ANGEL1: variants seen among roughly 807,000 people sequenced by gnomAD.
The protein encoded by ANGEL1 is angel homolog 1, also known as RNA 2',3'-cyclic phosphatase ANGEL1.
ANGEL1 carries 62 observed loss-of-function variants against 76.4 expected under a neutral mutation model. The observed-to-expected ratio is 0.81, with a 90% CI of 0.66 to 1.00. The LOEUF is 1.00. ANGEL1 is among the 50% of genes least tolerant of loss of function. ANGEL1 has a pLI of 0.00. For missense variants in ANGEL1, 737 were observed against 836.7 expected (o/e 0.88, Z 1.47); for synonymous variants, 340 against 331.7 (o/e 1.03, Z -0.27).
chr14:76,792,695 T>C (rs1255260333), intron 7 of ANGEL1, among the ~76,000 whole-genome samples: 1 of 152,136 alleles, frequency 6.6e-6, no homozygotes, highest in Admixed American at 6.5e-5. Context: ...CCAACACCCT[T>C]TCATGAGTTA....
Position 76,809,282 on chromosome 14 carries a change from C to T in ANGEL1, c.426G>A (p.Val142=). 3 of 1,613,826 alleles carry T rather than the reference C, an allele frequency of 1.9e-6. No homozygotes were observed. Among genetic ancestry groups the T allele is most frequent in the Non-Finnish European group, 2.5e-6 (3 of 1,179,812 alleles). The change falls in exon 2 of 10, where the codon GTG becomes GTA. Residue 142 remains valine, a synonymous_variant. Transcript: ENST00000251089. ...GGATAGCTGCCCACATGGAGCCCTC[C>T]ACCCCCTCCACCTCCAGCAGTGGCT... The part of the protein sequence containing the change: ...GEEPLLEVEG[V]EGSMWAAIPM...
intron 7 of ANGEL1, among the ~76,000 whole-genome samples, chr14:76,801,112 CT>C (rs561312929): frequency 0.11 from 15,914 of 142,330 alleles, 784 homozygotes; most frequent in East Asian, 0.24. Flanking sequence ...TCTCCTACAT[CT>C]TTTTTTTTTT....
chr14:76,811,832 G>A (rs1487490073), intron 1 of ANGEL1, among the ~76,000 whole-genome samples: 1 of 152,164 alleles, frequency 6.6e-6, no homozygotes, highest in Non-Finnish European at 1.5e-5. Flanking sequence ...TCTAATGGCA[G>A]ATACACAGTA....
intron 8 of ANGEL1, 108 bp from the exon 9 acceptor site, chr14:76,790,882 G>A: frequency 1.4e-6 from 2 of 1,405,160 alleles, no homozygotes; most frequent in Non-Finnish European, 1.9e-6. Context: ...GATCTCAGAT[G>A]ACTCAATCTC....
chr14:76,803,709 T>C, intron 6 of ANGEL1, 77 bp downstream of exon 6: 7 of 1,530,602 alleles, frequency 4.6e-6, no homozygotes, highest in Non-Finnish European at 6.1e-6. Context: ...TTACACTTTT[T>C]CTTGTCGTTG....
At position 76,809,054 on chromosome 14, in the gene ANGEL1, C is replaced by T. The variant is rs1425788642; in HGVS notation, c.649+5G>A. 6.2e-7 allele frequency: 1 copy of T among 1,601,650 alleles called. No homozygotes were observed. The highest frequency in any genetic ancestry group is 8.5e-7 in the Non-Finnish European group (1 of 1,172,228). On this transcript the variant is annotated splice_donor_5th_base_variant and intron_variant, in intron 2 of 9. Coordinates refer to ENST00000251089, the MANE Select transcript of ANGEL1 (RefSeq NM_015305.4). ...TTGGCTCACTCAACCAGTTGTCAGA[C>T]TCACCATGATATGGTATTTCCACTG...
At chr14:76,807,751 ATTC>A (rs1168464912) in intron 3 of ANGEL1, among the ~76,000 whole-genome samples, 168 bp downstream of exon 3, 1 of 152,094 alleles carries the variant, frequency 6.6e-6, no homozygotes, top group Non-Finnish European at 1.5e-5. Flanking sequence ...ATCTAGGGAG[ATTC>A]TTCTCAGCAT....
At chr14:76,794,761 T>C (rs898698940) in intron 7 of ANGEL1, among the ~76,000 whole-genome samples, 4 of 122,884 alleles carry the variant, frequency 3.3e-5, no homozygotes, top group African/African-American at 1.2e-4. Flanking sequence ...TTTGTTGCTC[T>C]TACACAGTGT....
At chr14:76,804,846 C>T (rs576907006) in intron 5 of ANGEL1, among the ~76,000 whole-genome samples, 1 of 152,026 alleles carries the variant, frequency 6.6e-6, no homozygotes, top group Non-Finnish European at 1.5e-5. Context: ...CCCGTCTCTA[C>T]TAAACATACA....
chr14:76,803,654 G>A (rs988442875), intron 6 of ANGEL1, 132 bp downstream of exon 6: 3 of 1,413,222 alleles, frequency 2.1e-6, no homozygotes, highest in Non-Finnish European at 1.9e-6. Flanking sequence ...CAGCCATTGG[G>A]AGGATAGTGA....
At chr14:76,804,530 A>C in intron 5 of ANGEL1, 1 of 851,124 alleles carries the variant, frequency 1.2e-6, no homozygotes, top group Non-Finnish European at 1.4e-6. Context: ...AAATATTTGA[A>C]AGCCAAAAGA....
chr14:76,792,704 T>G (rs1427811859), intron 7 of ANGEL1, among the ~76,000 whole-genome samples: 1 of 152,126 alleles, frequency 6.6e-6, no homozygotes, highest in Non-Finnish European at 1.5e-5. Context: ...TTTCATGAGT[T>G]AAAAACACTC....
intron 7 of ANGEL1, among the ~76,000 whole-genome samples, chr14:76,793,390 G>GGGT (rs1894467675): frequency 1.4e-5 from 1 of 69,448 alleles, no homozygotes; most frequent in African/African-American, 5.5e-5. Flanking sequence ...GGAGAGGGGA[G>GGGT]AGGAGGGGAG....
chr14:76,799,703 C>T (rs1161618273), intron 7 of ANGEL1, among the ~76,000 whole-genome samples: 1 of 151,934 alleles, frequency 6.6e-6, no homozygotes, highest in Non-Finnish European at 1.5e-5. Context: ...CTCAAGAGTT[C>T]GGGACCAGCC....
Position 76,791,284 on chromosome 14 carries a change from T to C in ANGEL1, c.1688+13A>G. 2 of 1,613,948 alleles carry C rather than the reference T, an allele frequency of 1.2e-6. No homozygotes were observed. Among genetic ancestry groups the C allele is most frequent in the Non-Finnish European group, 1.7e-6 (2 of 1,179,882 alleles). On this transcript the variant is annotated intron_variant, in intron 8 of 9. Transcript: ENST00000251089. ...GGCTGGATTGAAAACAGAAGAGAAC[T>C]GGAGAAGGTTACCTGGAGAAGGCAG...
At chr14:76,812,550 G>C (rs1895119572) in intron 1 of ANGEL1, 1 of 1,245,712 alleles carries the variant, frequency 8.0e-7, no homozygotes, top group Non-Finnish European at 1.0e-6. Flanking sequence ...GCGGGAGGAG[G>C]GGCCGCCCAC....
chr14:76,800,964 CTT>C (rs1227710119), intron 7 of ANGEL1, among the ~76,000 whole-genome samples: 1 of 150,410 alleles, frequency 6.6e-6, no homozygotes, highest in Non-Finnish European at 1.5e-5. Flanking sequence ...CAAAGCAAGA[CTT>C]TGTCTCAAAA....
chr14:76,812,290 G>A, intron 1 of ANGEL1: 1 of 992,014 alleles, frequency 1.0e-6, no homozygotes, highest in Non-Finnish European at 1.2e-6. Flanking sequence ...AGTGAAAGGC[G>A]AGTGTGAAGT....
chr14:76,805,478 C>T (rs1276211475), intron 5 of ANGEL1, among the ~76,000 whole-genome samples: 2 of 152,188 alleles, frequency 1.3e-5, no homozygotes, highest in African/African-American at 2.4e-5. Flanking sequence ...GTAATACAAT[C>T]GTTTTGTGTC....
Sources: allele counts gnomAD v4.1 joint callset (sites outside exome capture counted in the v4.1 genomes callset), GRCh38; gene constraint gnomAD v4.1.1; transcripts MANE v1.5; gene names NCBI Gene and HGNC (gene_info 2026-07-23, HGNC 2026-07-21).